The following ARHGAP28 variants were observed in gnomAD, a reference collection of about 807,000 sequenced individuals.
ARHGAP28 encodes the protein rho GTPase-activating protein 28.
In ARHGAP28, 56 loss-of-function variants were observed where a neutral mutation model predicts 90.7. The observed-to-expected ratio is 0.62, with a 90% CI of 0.50 to 0.77. The LOEUF (loss-of-function observed/expected upper bound fraction) is 0.77. Among genes scored for constraint, ARHGAP28 ranks in the 30% least tolerant of loss-of-function variants. ARHGAP28 has a pLI of 0.00. For missense variants in ARHGAP28, 869 were observed against 900.9 expected, an observed-to-expected ratio of 0.96 and a Z score of 0.45; for synonymous variants, 308 against 323.3, an observed-to-expected ratio of 0.95 and a Z score of 0.51.
At chr18:6,846,683 C>T (rs67162636) in intron 3 of ARHGAP28, among the ~76,000 whole-genome samples, 15,080 of 152,210 alleles carry the variant, frequency 0.099, 1,056 homozygotes, top group East Asian at 0.31. Flanking sequence ...CTGCAGCCAG[C>T]GTCTCACCCC....
At chr18:6,761,784 TCTTTTAG>T (rs1416644285) in intron 1 of ARHGAP28, among the ~76,000 whole-genome samples, 2 of 152,206 alleles carry the variant, frequency 1.3e-5, no homozygotes, top group Non-Finnish European at 2.9e-5. Flanking sequence ...ACTCAATTCC[TCTTTTAG>T]CTTTGCCATT....
rs944126191 is a variant in ARHGAP28, at chr18:6,890,378, G to C, written c.1735-52G>C. 4.2e-6 allele frequency: 5 copies of C among 1,186,624 alleles called. No individual in the cohort carries two copies. In the African/African-American group the frequency reaches 7.6e-5, roughly 18 times the overall value. The allele number at this position is 1,186,624 out of a possible 1,614,324, so 73.5% of individuals were successfully genotyped here. On this transcript the variant is annotated intron_variant, in intron 13 of 17. Transcript: ENST00000383472. Reference sequence around the variant, plus strand: ...CCATGCCTGAAGACAATCTGCTAGGGAGTTTGAATTCAAGTGTTTTCCATC... The same window carrying C: ...CCATGCCTGAAGACAATCTGCTAGGCAGTTTGAATTCAAGTGTTTTCCATC...
At chr18:6,793,168 A>C (rs2056418194) in intron 1 of ARHGAP28, among the ~76,000 whole-genome samples, 1 of 152,182 alleles carries the variant, frequency 6.6e-6, no homozygotes, top group South Asian at 2.1e-4. Flanking sequence ...CATAATTAAC[A>C]CACTTACGAG....
chr18:6,776,450 G>A (rs969626041), intron 1 of ARHGAP28, among the ~76,000 whole-genome samples: 3 of 152,188 alleles, frequency 2.0e-5, no homozygotes. Context: ...CTGGCCACCG[G>A]CTTGAGTATC....
chr18:6,830,130 G>A (rs1005698500), intron 2 of ARHGAP28, among the ~76,000 whole-genome samples: 5 of 152,088 alleles, frequency 3.3e-5, no homozygotes, highest in Non-Finnish European at 7.4e-5. Context: ...CCCTACTCCA[G>A]TATGACCTCA....
chr18:6,732,462 A>G (rs11663135), intron 1 of ARHGAP28, among the ~76,000 whole-genome samples: 41,231 of 151,992 alleles, frequency 0.27, 6,433 homozygotes, highest in South Asian at 0.33. Flanking sequence ...CTACATCAAG[A>G]GGCTTCAGAT....
chr18:6,830,372 G>A (rs1266331182), intron 2 of ARHGAP28, among the ~76,000 whole-genome samples: 4 of 151,922 alleles, frequency 2.6e-5, no homozygotes, highest in East Asian at 3.9e-4. Flanking sequence ...TACACGTGCA[G>A]AACGTGCAAT....
At chr18:6,816,229 T>C (rs1479155312) in intron 1 of ARHGAP28, among the ~76,000 whole-genome samples, 1 of 152,226 alleles carries the variant, frequency 6.6e-6, no homozygotes, top group Non-Finnish European at 1.5e-5. Context: ...TCTGAAACTA[T>C]GGCTTCTTTT....
At chr18:6,823,163 T>C (rs1036715994) in intron 1 of ARHGAP28, among the ~76,000 whole-genome samples, 9 of 152,140 alleles carry the variant, frequency 5.9e-5, no homozygotes, top group African/African-American at 2.2e-4. Flanking sequence ...TTGGAGAAGA[T>C]TCTTTGAAAG....
In ARHGAP28 at chr18:6,851,910, C is replaced by T. The variant is rs182018394; in HGVS notation, c.636+784C>T. ...GAGGGAGGGTGAGGAGGGGAGAGAA[C>T]GAGAGATTCAAAGGAGGCATGAGTC... On this transcript the variant is annotated intron_variant, in intron 4 of 17. Transcript: ENST00000383472. Among the ~76,000 whole-genome samples the T allele has an allele frequency of 3.7e-3, 555 of 151,978 alleles. 4 individuals carry two copies. The highest frequency in any genetic ancestry group is 0.011 in the African/African-American group (473 of 41,444).
intron 1 of ARHGAP28, among the ~76,000 whole-genome samples, chr18:6,783,710 C>T (rs1600180432): frequency 6.6e-6 from 1 of 152,198 alleles, no homozygotes; most frequent in South Asian, 2.1e-4. Flanking sequence ...TCCACAAGCC[C>T]CCCTTGCCCT....
intron 1 of ARHGAP28, among the ~76,000 whole-genome samples, chr18:6,795,659 A>G (rs1433074011): frequency 6.6e-6 from 1 of 152,274 alleles, no homozygotes; most frequent in African/African-American, 2.4e-5. Flanking sequence ...AACACAGCCT[A>G]TATGTTAGCC....
chr18:6,822,031 G>T (rs1285144105), intron 1 of ARHGAP28, among the ~76,000 whole-genome samples: 1 of 151,886 alleles, frequency 6.6e-6, no homozygotes, highest in Non-Finnish European at 1.5e-5. Context: ...CATTGAGGTG[G>T]TATTACCGTA....
intron 12 of ARHGAP28, 41 bp from the exon 13 acceptor site, chr18:6,889,847 G>T: frequency 1.3e-6 from 2 of 1,591,392 alleles, no homozygotes; most frequent in South Asian, 2.2e-5. Context: ...GGGCACTTTT[G>T]ACAGTGTACA....
At chr18:6,737,572 G>A (rs141371389) in intron 1 of ARHGAP28, among the ~76,000 whole-genome samples, 145 of 152,228 alleles carry the variant, frequency 9.5e-4, no homozygotes, top group African/African-American at 3.4e-3. Flanking sequence ...TCTTGTTGAA[G>A]AATTTGATAG....
intron 1 of ARHGAP28, among the ~76,000 whole-genome samples, chr18:6,793,893 A>G (rs1410755500): frequency 2.6e-5 from 4 of 152,150 alleles, no homozygotes; most frequent in Non-Finnish European, 4.4e-5. Flanking sequence ...CTGTTAGATC[A>G]TTCATGAAAT....
intron 1 of ARHGAP28, among the ~76,000 whole-genome samples, chr18:6,816,147 G>A (rs1332901732): frequency 6.6e-6 from 1 of 152,182 alleles, no homozygotes; most frequent in Non-Finnish European, 1.5e-5. Flanking sequence ...GAGATGGCAG[G>A]AAGATAGAAG....
rs1187300597 is a variant in ARHGAP28 at position 6,906,268 on chromosome 18, A to T, written c.2031-2692A>T. Among the ~76,000 whole-genome samples the T allele has an allele frequency of 2.0e-5, 3 of 152,192 alleles. No homozygotes were observed. The East Asian group carries it at 5.8e-4, about 29-fold the overall frequency. On this transcript the variant is annotated intron_variant, in intron 16 of 17. Coordinates refer to ENST00000383472, the MANE Select transcript of ARHGAP28 (RefSeq NM_001366230.1). ...AATAGGCCCATCTGATTTTTAAAAG[A>T]TTTTTATTGTAAACTATACATAACA... is the stretch of plus-strand genomic sequence containing the variant.
intron 1 of ARHGAP28, among the ~76,000 whole-genome samples, chr18:6,808,409 A>G (rs1165196435): frequency 1.3e-5 from 2 of 151,876 alleles, no homozygotes; most frequent in Admixed American, 6.6e-5. Context: ...GTGTCTTTCT[A>G]TTGAGATTTT....
Sources: allele counts gnomAD v4.1 joint callset (sites outside exome capture counted in the v4.1 genomes callset), GRCh38; gene constraint gnomAD v4.1.1; transcripts MANE v1.5; gene names NCBI Gene and HGNC (gene_info 2026-07-23, HGNC 2026-07-21).